Variants in SLIT3 observed in about 807,000 individuals in gnomAD.
SLIT3 encodes slit homolog 3 protein.
Under a neutral mutation model 184.0 loss-of-function variants are expected in SLIT3, and 68 were observed. The ratio of observed to expected loss-of-function variants is 0.37; its 90% confidence interval spans 0.30 to 0.45. The LOEUF (loss-of-function observed/expected upper bound fraction) is 0.45, where lower values mean the gene tolerates loss of function less well. Ranked by LOEUF, SLIT3 falls within the 20% of genes least tolerant of loss-of-function variation. The pLI is 1.00. For synonymous variants in SLIT3, 831 were observed against 828.6 expected, an observed-to-expected ratio of 1.00 and a Z score of -0.05; for missense variants, 1,707 against 2,026.0, an observed-to-expected ratio of 0.84 and a Z score of 3.02.
chr5:169,188,528 G>T (rs570204390), intron 4 of SLIT3, among the ~76,000 whole-genome samples: 1 of 152,260 alleles, frequency 6.6e-6, no homozygotes, highest in East Asian at 1.9e-4. Flanking sequence ...AGGTAGAAGA[G>T]CCAGCATGAC....
chr5:169,064,292 G>A (rs139693538), intron 4 of SLIT3, among the ~76,000 whole-genome samples: 30 of 152,300 alleles, frequency 2.0e-4, no homozygotes, highest in Non-Finnish European at 2.6e-4. Flanking sequence ...TCTTGGCTCC[G>A]AGCCACTGCC....
At chr5:168,915,391 T>A (rs766414974) in intron 4 of SLIT3, among the ~76,000 whole-genome samples, 2 of 152,114 alleles carry the variant, frequency 1.3e-5, no homozygotes, top group African/African-American at 2.4e-5. Context: ...AATAGAGCAA[T>A]TGATCAATCT....
At chr5:169,222,644 C>G (rs1764650661) in intron 3 of SLIT3, among the ~76,000 whole-genome samples, 1 of 152,108 alleles carries the variant, frequency 6.6e-6, no homozygotes, top group Non-Finnish European at 1.5e-5. Flanking sequence ...TCTAAGAAAA[C>G]TGACAAGCTA....
rs568371241 is a variant in SLIT3, at chr5:168,862,577, A to G, written c.486-17922T>C. ...TCTTATTGCTTTGGGTTGAATCACC[A>G]TCACTCAGCCACGACCCTCTCCCTA... On this transcript the variant is annotated intron_variant, in intron 5 of 35. Transcript: ENST00000519560. Among the ~76,000 whole-genome samples the G allele has an allele frequency of 3.9e-5, 6 of 152,110 alleles. No homozygotes were observed. The East Asian group carries it at 1.2e-3, about 30-fold the overall frequency.
chr5:169,195,308 C>G (rs1299836207), intron 3 of SLIT3, among the ~76,000 whole-genome samples: 1 of 152,030 alleles, frequency 6.6e-6, no homozygotes, highest in East Asian at 1.9e-4. Flanking sequence ...AGAAGGAGGT[C>G]AAGCAGGACA....
chr5:169,293,613 A>C (rs1348084001), intron 1 of SLIT3, among the ~76,000 whole-genome samples: 2 of 152,192 alleles, frequency 1.3e-5, no homozygotes, highest in African/African-American at 4.8e-5. Flanking sequence ...TATTATTATT[A>C]TTCCCATTTT....
At chr5:168,768,967 A>G (rs1327644333) in intron 14 of SLIT3, among the ~76,000 whole-genome samples, 1 of 152,208 alleles carries the variant, frequency 6.6e-6, no homozygotes, top group Non-Finnish European at 1.5e-5. Flanking sequence ...GTTTGGACTG[A>G]GGAACCTGCA....
At chr5:168,666,735 G>C (rs771098163) in intron 35 of SLIT3, 46 bp from the exon 36 acceptor site, 3 of 1,612,954 alleles carry the variant, frequency 1.9e-6, no homozygotes, top group Admixed American at 1.7e-5. Context: ...TAGGTGGCCA[G>C]CAGGACCATG....
At chr5:168,901,499 A>T (rs1283779848) in intron 4 of SLIT3, among the ~76,000 whole-genome samples, 1 of 152,214 alleles carries the variant, frequency 6.6e-6, no homozygotes, top group African/African-American at 2.4e-5. Context: ...TCCTTTGCTG[A>T]CATGATCTTG....
intron 4 of SLIT3, among the ~76,000 whole-genome samples, chr5:169,158,634 G>A (rs1762382591): frequency 6.6e-6 from 1 of 152,108 alleles, no homozygotes; most frequent in Admixed American, 6.5e-5. Context: ...GTCTGGTGTG[G>A]TTTTCCAGTT....
intron 8 of SLIT3, among the ~76,000 whole-genome samples, chr5:168,806,802 T>A (rs141434229): frequency 6.6e-6 from 1 of 152,254 alleles, no homozygotes; most frequent in East Asian, 1.9e-4. Context: ...ACTGTTTGAG[T>A]TGCTCCGCCT....
intron 4 of SLIT3, among the ~76,000 whole-genome samples, chr5:168,913,116 C>T (rs1761307158): frequency 6.6e-6 from 1 of 152,210 alleles, no homozygotes; most frequent in Non-Finnish European, 1.5e-5. Flanking sequence ...CCTGTACTGC[C>T]CATCGCACCT....
chr5:169,019,004 C>G (rs1344950622), intron 4 of SLIT3, among the ~76,000 whole-genome samples: 1 of 152,182 alleles, frequency 6.6e-6, no homozygotes, highest in Non-Finnish European at 1.5e-5. Context: ...CCCCGAGTCT[C>G]CAGGCCAATT....
rs926590189 is a variant in SLIT3, at chr5:168,762,621, G to A, written c.1528C>T (p.Arg510Cys). ...FMDLVCPEKC[R>C]CEGTIVDCSN... ...CAGTCCACAATCGTGCCCTCACAGC[G>A]ACACTTCTCGGGGCACACGAGGTCC... Residue 510 changes from arginine to cysteine, a missense_variant, in exon 15 of 36, where the codon CGC becomes TGC. This residue lies in a region of SLIT3 where 1,307 missense variants were observed against 1,511.6 expected (regional missense o/e 0.86). Coordinates refer to ENST00000519560, the MANE Select transcript of SLIT3 (RefSeq NM_003062.4). 15 of 1,614,104 alleles carry A rather than the reference G, an allele frequency of 9.3e-6. No individual in the cohort carries two copies. The East Asian group carries it at 2.7e-4, about 29-fold the overall frequency.
At chr5:169,202,634 A>T (rs1763937934) in intron 3 of SLIT3, among the ~76,000 whole-genome samples, 1 of 152,138 alleles carries the variant, frequency 6.6e-6, no homozygotes, top group African/African-American at 2.4e-5. Flanking sequence ...TTTGCCGGCC[A>T]TGCCTCTCTG....
chr5:168,667,155 C>T (rs1180211060), intron 35 of SLIT3, among the ~76,000 whole-genome samples: 1 of 152,184 alleles, frequency 6.6e-6, no homozygotes, highest in Non-Finnish European at 1.5e-5. Context: ...AGCCTGCAAC[C>T]CTGCACTGCA....
At chr5:168,897,646 G>GCGCGCA in intron 4 of SLIT3, among the ~76,000 whole-genome samples, 1 of 105,378 alleles carries the variant, frequency 9.5e-6, no homozygotes, top group Non-Finnish European at 2.0e-5. Context: ...ACAGGTGCAC[G>GCGCGCA]TACACACACA....
At chr5:169,285,462 G>T (rs908203442) in intron 1 of SLIT3, among the ~76,000 whole-genome samples, 18 of 152,146 alleles carry the variant, frequency 1.2e-4, no homozygotes, top group African/African-American at 4.3e-4. Context: ...AGCTGTGGAG[G>T]TTTTAAAACA....
chr5:169,027,970 C>T (rs1347031910), intron 4 of SLIT3, among the ~76,000 whole-genome samples: 1 of 152,052 alleles, frequency 6.6e-6, no homozygotes, highest in African/African-American at 2.4e-5. Flanking sequence ...AAGGAACTGC[C>T]CTTTATCTCG....
Sources: allele counts gnomAD v4.1 joint callset (sites outside exome capture counted in the v4.1 genomes callset), GRCh38; gene constraint gnomAD v4.1.1; regional missense constraint gnomAD v4.1.1; transcripts MANE v1.5; gene names NCBI Gene and HGNC (gene_info 2026-07-23, HGNC 2026-07-21).